STAB2: variants seen among roughly 807,000 people sequenced by gnomAD.
STAB2 encodes stabilin 2, also known as stabilin-2.
A neutral mutation model predicts 338.1 loss-of-function variants in STAB2; 288 were observed. The ratio of observed to expected loss-of-function variants is 0.85; its 90% CI spans 0.77 to 0.94. STAB2 has a LOEUF of 0.94. STAB2 is among the 40% of genes least tolerant of loss of function. The pLI, the probability that STAB2 is intolerant of heterozygous loss-of-function variation, is 0.00. For missense variants in STAB2, 3,141 were observed against 3,210.1 expected, an observed-to-expected ratio of 0.98 and a Z score of 0.52; for synonymous variants, 1,202 against 1,193.3, an observed-to-expected ratio of 1.01 and a Z score of -0.15.
intron 9 of STAB2, among the ~76,000 whole-genome samples, chr12:103,646,950 A>ACAAACAGGC (rs1229539084): frequency 6.6e-6 from 1 of 152,194 alleles, no homozygotes; most frequent in Non-Finnish European, 1.5e-5. Flanking sequence ...TAAGGTGAGG[A>ACAAACAGGC]TGGGAAAGCA....
chr12:103,690,030 G>T, intron 29 of STAB2, 48 bp downstream of exon 29: 2 of 1,584,272 alleles, frequency 1.3e-6, no homozygotes, highest in South Asian at 2.3e-5. Flanking sequence ...TGGCATCTGT[G>T]TAAACATGTC....
At chr12:103,593,044 C>T (rs951895730) in intron 2 of STAB2, among the ~76,000 whole-genome samples, 4 of 152,138 alleles carry the variant, frequency 2.6e-5, no homozygotes, top group African/African-American at 9.7e-5. Flanking sequence ...GTATATACCA[C>T]ATTTTCTTTA....
At chr12:103,763,295 C>T (rs2139251467) in intron 67 of STAB2, 197 bp from the exon 68 acceptor site, 1 of 601,128 alleles carries the variant, frequency 1.7e-6, no homozygotes, top group South Asian at 2.0e-5. Flanking sequence ...CACAAATGGG[C>T]AGACATCGGT....
At chr12:103,690,039 T>C in intron 29 of STAB2, 57 bp downstream of exon 29, 1 of 1,569,344 alleles carries the variant, frequency 6.4e-7, no homozygotes, top group Non-Finnish European at 8.6e-7. Flanking sequence ...TGTAAACATG[T>C]CTTTGAAGTT....
intron 3 of STAB2, among the ~76,000 whole-genome samples, chr12:103,597,210 C>G (rs1178716969): frequency 1.3e-5 from 2 of 152,136 alleles, no homozygotes; most frequent in Admixed American, 6.5e-5. Flanking sequence ...TATTTTACCT[C>G]TCACATTTTG....
chr12:103,655,510 A>G lies in STAB2; in HGVS notation c.1663A>G (p.Ile555Val), dbSNP rs1874112848. 3 of 1,614,074 alleles carry G rather than the reference A, an allele frequency of 1.9e-6. No individual in the cohort carries two copies. Among genetic ancestry groups the G allele is most frequent in the Non-Finnish European group, 2.5e-6 (3 of 1,180,010 alleles). Residue 555 changes from isoleucine (I) to valine (V), a missense_variant, in exon 15 of 69, where the codon ATT (isoleucine) becomes GTT (valine). Ile to Val is a conservative substitution (Grantham distance 29). Transcript: ENST00000388887. ...GGATGGAGTTGGTGGACCATACACC[A>G]TTTTTGTTCCAAATAATGAAGCATT... ...DEDGVGGPYT[I>V]FVPNNEALNN...
intron 43 of STAB2, among the ~76,000 whole-genome samples, chr12:103,717,519 A>G (rs1880414199): frequency 6.6e-6 from 1 of 152,030 alleles, no homozygotes; most frequent in South Asian, 2.1e-4. Flanking sequence ...CATTAAAAAG[A>G]AAAAAAACGG....
rs1402066701 is a variant in STAB2, at chr12:103,728,949, A to G, written c.5036A>G (p.Asn1679Ser). 1 of 1,613,992 alleles carries G rather than the reference A, an allele frequency of 6.2e-7. No individual in the cohort carries two copies. Among genetic ancestry groups the G allele is most frequent in the Admixed American group, 1.7e-5 (1 of 60,008 alleles). Residue 1679 changes from asparagine to serine, a missense_variant, in exon 48 of 69, where the codon AAT (asparagine) becomes AGT (serine). Physicochemically the swap from Asn to Ser is conservative, Grantham distance 46. Coordinates refer to ENST00000388887, the MANE Select transcript of STAB2 (RefSeq NM_017564.10). Reference protein sequence around the residue: ...LLLENLKLISNATSLQGEPIV... With the variant: ...LLLENLKLISSATSLQGEPIV... ...CTGGAAAACCTGAAATTGATCTCAA[A>G]TGCTACTTCCCTCCAAGGAGAGCCA...
At chr12:103,741,052 T>A (rs971469678) in intron 55 of STAB2, among the ~76,000 whole-genome samples, 6 of 152,324 alleles carry the variant, frequency 3.9e-5, no homozygotes, top group Admixed American at 6.5e-5. Context: ...TTTTTGATGC[T>A]GTGCAACATG....
At chr12:103,678,355 A>G (rs761313141) in intron 25 of STAB2, among the ~76,000 whole-genome samples, 20 of 152,158 alleles carry the variant, frequency 1.3e-4, no homozygotes, top group African/African-American at 4.1e-4. Flanking sequence ...CTTGCTCACC[A>G]TGATATCTCC....
At chr12:103,669,663 C>T in intron 21 of STAB2, 36 bp downstream of exon 21, 1 of 1,579,562 alleles carries the variant, frequency 6.3e-7, no homozygotes, top group East Asian at 2.2e-5. Context: ...TAAGTCAAAT[C>T]AAACAATAAT....
At position 103,739,253 on chromosome 12, in the gene STAB2, A is replaced by G. The variant is rs191971228; in HGVS notation, c.5698-159A>G. 7.6e-4 allele frequency among the ~76,000 whole-genome samples: 116 copies of G among 151,970 alleles called. 3 individuals are homozygous for G. In the East Asian group the frequency reaches 0.02, roughly 26 times the overall value. ...TGGCCTCCCAAAGTGCTAGGATTAC[A>G]GGTGTCAGCCACCATGCCTGGCCTG... On this transcript the variant is annotated intron_variant, in intron 53 of 68. Transcript: ENST00000388887.
chr12:103,726,269 G>T, intron 46 of STAB2, 106 bp downstream of exon 46: 1 of 1,191,484 alleles, frequency 8.4e-7, no homozygotes, highest in Non-Finnish European at 1.2e-6. Flanking sequence ...CGGGCAGATT[G>T]CCTGAGCTCA....
rs927767391 is a variant in STAB2 at position 103,654,565 on chromosome 12, T to A, written c.1418T>A (p.Ile473Lys). Residue 473 changes from isoleucine (I) to lysine (K), a missense_variant, in exon 13 of 69, where the codon ATA (isoleucine) becomes AAA (lysine). By Grantham distance (102) the Ile-to-Lys change is moderately radical. Transcript: ENST00000388887. ...TCTTTGGTGTTTTAGGACAATCAAA[T>A]AAAGCTTAAACTCCATGGAGGCAAA... ...EIFNSDKDNQIKLKLHGGKKK... is the reference protein window; with the variant it reads ...EIFNSDKDNQKKLKLHGGKKK... 18 of 1,613,712 alleles carry A rather than the reference T, an allele frequency of 1.1e-5. No homozygotes were observed. Among genetic ancestry groups the A allele is most frequent in the Non-Finnish European group, 1.5e-5 (18 of 1,179,884 alleles).
At chr12:103,744,731 C>T (rs534083056) in intron 56 of STAB2, among the ~76,000 whole-genome samples, 1 of 152,248 alleles carries the variant, frequency 6.6e-6, no homozygotes, top group African/African-American at 2.4e-5. Flanking sequence ...CCTCAGCCGC[C>T]CAAAGTGCCG....
In STAB2 at chr12:103,693,964, A is replaced by G. The variant is rs369306759; in HGVS notation, c.3375+1075A>G. On this transcript the variant is annotated intron_variant, in intron 31 of 68. Coordinates refer to ENST00000388887, the MANE Select transcript of STAB2 (RefSeq NM_017564.10). ...TCAAGAGATCGAAACCATCCTGGCC[A>G]ACATGGTGAAGCCCCCTCTCTACTA... 3.0e-4 allele frequency among the ~76,000 whole-genome samples: 45 copies of G among 152,064 alleles called. No individual in the cohort carries two copies. In the East Asian group the frequency reaches 3.9e-3, roughly 13 times the overall value.
At chr12:103,623,146 A>C (rs1037353167) in intron 5 of STAB2, among the ~76,000 whole-genome samples, 2 of 152,190 alleles carry the variant, frequency 1.3e-5, no homozygotes, top group Non-Finnish European at 2.9e-5. Context: ...GAAAATAAAC[A>C]GGATGTTATT....
chr12:103,588,850 G>A (rs1187594333), intron 1 of STAB2, among the ~76,000 whole-genome samples: 1 of 152,176 alleles, frequency 6.6e-6, no homozygotes, highest in Non-Finnish European at 1.5e-5. Flanking sequence ...CTATCTAAGT[G>A]TAGCTTTTGT....
Position 103,750,670 on chromosome 12 carries a change from A to G in STAB2, c.6530A>G (p.Asp2177Gly), listed in dbSNP as rs1261037475. Reference protein sequence around the residue: ...EQLPIDRCLQDNGQCHADAKC... With the variant: ...EQLPIDRCLQGNGQCHADAKC... ...CTGCCCATTGACCGCTGCTTACAGGACAATGGGCAGTGCCATGCAGACGCC... is the reference window on the plus strand; with the variant it reads ...CTGCCCATTGACCGCTGCTTACAGGGCAATGGGCAGTGCCATGCAGACGCC... The change falls in exon 60 of 69, where the codon GAC (aspartate) becomes GGC (glycine). Residue 2177 changes from aspartate to glycine, a missense_variant. Asp to Gly is a moderately conservative substitution (Grantham distance 94). Coordinates refer to ENST00000388887, the MANE Select transcript of STAB2 (RefSeq NM_017564.10). 1 of 1,614,134 alleles carries G rather than the reference A, an allele frequency of 6.2e-7. No individual in the cohort carries two copies. Among genetic ancestry groups the G allele is most frequent in the Non-Finnish European group, 8.5e-7 (1 of 1,180,040 alleles).
Sources: gnomAD v4.1 joint callset for allele counts (sites outside exome capture counted in the v4.1 genomes callset) on GRCh38, gnomAD v4.1.1 for gene constraint, MANE v1.5 for transcripts, NCBI Gene and HGNC (gene_info 2026-07-23, HGNC 2026-07-21) for gene names.